Variants in ABCB4 observed in about 807,000 individuals in gnomAD.
ABCB4 encodes the protein ATP binding cassette subfamily B member 4.
ABCB4 carries 76 observed loss-of-function variants against 145.7 expected under a neutral mutation model. The ratio of observed to expected loss-of-function variants is 0.52; its 90% CI spans 0.43 to 0.63. The LOEUF (loss-of-function observed/expected upper bound fraction) is 0.63, where lower values mean the gene tolerates loss of function less well. ABCB4 is among the 30% of genes least tolerant of loss of function. ABCB4 has a pLI of 0.00. For missense variants in ABCB4, 1,234 were observed against 1,553.1 expected, an observed-to-expected ratio of 0.79 and a Z score of 3.45; for synonymous variants, 517 against 566.8, an observed-to-expected ratio of 0.91 and a Z score of 1.25.
At chr7:87,382,428 A>G in the ABCB4 span, 10 of 1,613,430 alleles carry the variant, frequency 6.2e-6, no homozygotes, top group Non-Finnish European at 8.5e-6. Flanking sequence ...TGATCTACAG[A>G]TTGCGGCTTA....
chr7:87,385,841 A>G, the ABCB4 span, among the ~76,000 whole-genome samples: 3 of 152,088 alleles, frequency 2.0e-5, no homozygotes, highest in African/African-American at 7.2e-5. Context: ...TATTGTTTTG[A>G]TGTATATTTC....
At chr7:87,474,752 G>C (rs1446965171) in intron 2 of ABCB4, among the ~76,000 whole-genome samples, 1 of 152,100 alleles carries the variant, frequency 6.6e-6, no homozygotes, top group African/African-American at 2.4e-5. Context: ...GTTTAACAAG[G>C]GCCAGGGGAA....
intron 16 of ABCB4, among the ~76,000 whole-genome samples, chr7:87,425,132 A>C (rs1402473938): frequency 6.6e-6 from 1 of 151,880 alleles, no homozygotes; most frequent in Non-Finnish European, 1.5e-5. Flanking sequence ...GCTCTTCAGC[A>C]CACAAACAGG....
At chr7:87,472,405 G>T (rs1472419631) in intron 3 of ABCB4, among the ~76,000 whole-genome samples, 1 of 151,936 alleles carries the variant, frequency 6.6e-6, no homozygotes, top group Non-Finnish European at 1.5e-5. Flanking sequence ...TTATTATTTT[G>T]TAGAGATGAG....
intron 24 of ABCB4, 97 bp from the exon 25 acceptor site, chr7:87,408,331 A>G: frequency 2.5e-6 from 3 of 1,219,722 alleles, no homozygotes; most frequent in Non-Finnish European, 2.3e-6. Flanking sequence ...ACTGTAGTAG[A>G]GAAACATAAA....
chr7:87,369,620 AT>A, the ABCB4 span: 297,823 of 388,526 alleles, frequency 0.77, 116,886 homozygotes, highest in Middle Eastern at 0.83. Flanking sequence ...TTAAAAAAAA[AT>A]CTATTTGTAT....
chr7:87,423,754 T>C lies in ABCB4; in HGVS notation c.2211+152A>G. 9.2e-6 allele frequency: 8 copies of C among 867,706 alleles called. No individual in the cohort carries two copies. In the South Asian group the frequency reaches 1.2e-4, roughly 13 times the overall value. 53.8% of individuals were successfully genotyped at this position (867,706 alleles called of 1,614,324 possible). A position where few individuals can be genotyped will look rare whatever the true frequency, so the allele number is the denominator to read the frequency against. On this transcript the variant is annotated intron_variant, in intron 17 of 27. Coordinates refer to ENST00000649586, the MANE Select transcript of ABCB4 (RefSeq NM_000443.4). ...ATTCAAAGGCTACTTATCTTTTCCC[T>C]CACAGCTTTTCTCAAAAGGGATTTA... is the stretch of plus-strand genomic sequence containing the variant.
intron 4 of ABCB4, among the ~76,000 whole-genome samples, chr7:87,461,994 G>A (rs45559632): frequency 0.024 from 3,619 of 152,248 alleles, 140 homozygotes; most frequent in African/African-American, 0.083. Flanking sequence ...GCTTCACTCA[G>A]TCTTCTCCAG....
rs536460670 is a variant in ABCB4 at position 87,433,875 on chromosome 7, A to G, written c.1732-2310T>C. 4.5e-4 allele frequency among the ~76,000 whole-genome samples: 68 copies of G among 152,078 alleles called. 1 individual carries two copies. In the South Asian group the frequency reaches 0.014, roughly 31 times the overall value. ...CTTTCTGGAACTTTGGTAAAACAGC[A>G]TCAGAATGAAACCTTTTGGAATCTT... is the stretch of plus-strand genomic sequence containing the variant. On this transcript the variant is annotated intron_variant, in intron 14 of 27. Coordinates refer to ENST00000649586, the MANE Select transcript of ABCB4 (RefSeq NM_000443.4).
chr7:87,466,484 T>G (rs556453518), intron 3 of ABCB4, among the ~76,000 whole-genome samples: 1 of 152,350 alleles, frequency 6.6e-6, no homozygotes, highest in African/African-American at 2.4e-5. Flanking sequence ...TGCAGGATAT[T>G]ATCCAGGAGA....
At chr7:87,393,070 G>T in the ABCB4 span, 1 of 1,611,376 alleles carries the variant, frequency 6.2e-7, no homozygotes, top group East Asian at 2.2e-5. Flanking sequence ...GATGACAGGT[G>T]AGGCTTCTCT....
At chr7:87,387,120 C>A in the ABCB4 span, among the ~76,000 whole-genome samples, 1 of 151,814 alleles carries the variant, frequency 6.6e-6, no homozygotes, top group Non-Finnish European at 1.5e-5. Flanking sequence ...CCCCTGGGAT[C>A]ATCACAGCCT....
the ABCB4 span, among the ~76,000 whole-genome samples, chr7:87,395,108 C>G: frequency 1.3e-5 from 2 of 152,126 alleles, no homozygotes; most frequent in African/African-American, 4.8e-5. Context: ...TTAACTCACA[C>G]GATCACAAGG....
downstream of ABCB4, chr7:87,398,449 TA>T: frequency 6.5e-7 from 1 of 1,547,612 alleles, no homozygotes. Flanking sequence ...CCAGATGAAA[TA>T]AAGTCCTGGT....
the ABCB4 span, among the ~76,000 whole-genome samples, chr7:87,371,174 A>C: frequency 6.6e-6 from 1 of 152,192 alleles, no homozygotes; most frequent in Non-Finnish European, 1.5e-5. Flanking sequence ...TGCCAAGAAG[A>C]TAATTTCCTA....
chr7:87,383,000 C>T, the ABCB4 span, among the ~76,000 whole-genome samples: 1 of 152,094 alleles, frequency 6.6e-6, no homozygotes, highest in African/African-American at 2.4e-5. Flanking sequence ...TATAATTGAA[C>T]ATATTTATCA....
intron 14 of ABCB4, among the ~76,000 whole-genome samples, chr7:87,436,259 G>A (rs1810601583): frequency 1.3e-5 from 2 of 151,604 alleles, no homozygotes; most frequent in African/African-American, 2.4e-5. Flanking sequence ...GTGTGTAGGT[G>A]TAAGATTTTT....
intron 4 of ABCB4, among the ~76,000 whole-genome samples, chr7:87,455,390 C>T (rs1332992000): frequency 6.6e-6 from 1 of 152,198 alleles, no homozygotes; most frequent in African/African-American, 2.4e-5. Flanking sequence ...AGGCACTGCT[C>T]TGAATACTTT....
chr7:87,388,792 A>G, the ABCB4 span, among the ~76,000 whole-genome samples: 1 of 152,228 alleles, frequency 6.6e-6, no homozygotes, highest in African/African-American at 2.4e-5. Flanking sequence ...TAATTAAACT[A>G]AAGAGCTTCT....
Sources: allele counts gnomAD v4.1 joint callset (sites outside exome capture counted in the v4.1 genomes callset), GRCh38; gene constraint gnomAD v4.1.1; transcripts MANE v1.5; gene names NCBI Gene and HGNC (gene_info 2026-07-23, HGNC 2026-07-21).